Variants in NBEA observed in about 807,000 individuals in gnomAD.
NBEA encodes the protein lysosomal-trafficking regulator 2.
A neutral mutation model predicts 343.4 loss-of-function variants in NBEA; 44 were observed. That is an observed-to-expected ratio of 0.13 (90% confidence interval 0.10 to 0.16). NBEA has a LOEUF of 0.16. Among genes scored for constraint, NBEA ranks in the 10% least tolerant of loss-of-function variants. NBEA has a pLI of 1.00. For synonymous variants in NBEA, 1,175 were observed against 1,238.7 expected (o/e 0.95, Z 1.08); for missense variants, 2,555 against 3,631.3 (o/e 0.70, Z 7.62).
chr13:35,045,095 C>T (rs1339374901), intron 3 of NBEA, 48 bp downstream of exon 3: 1 of 1,490,078 alleles, frequency 6.7e-7, no homozygotes, highest in Non-Finnish European at 9.2e-7. Context: ...TCCATTAATA[C>T]TTAATGTTCA....
intron 30 of NBEA, among the ~76,000 whole-genome samples, chr13:35,190,984 T>C (rs2072145079): frequency 6.6e-6 from 1 of 152,092 alleles, no homozygotes; most frequent in Non-Finnish European, 1.5e-5. Flanking sequence ...AGTTGAAAAT[T>C]GTAATAACTG....
chr13:35,253,250 A>G (rs1027047202), intron 34 of NBEA, among the ~76,000 whole-genome samples: 1 of 152,214 alleles, frequency 6.6e-6, no homozygotes, highest in African/African-American at 2.4e-5. Context: ...TACAGATACT[A>G]TGTTAACAAA....
chr13:35,438,337 T>C (rs1347317926), intron 39 of NBEA, among the ~76,000 whole-genome samples: 1 of 152,212 alleles, frequency 6.6e-6, no homozygotes, highest in Admixed American at 6.5e-5. Context: ...GTTTTGATGG[T>C]ATATGCATGG....
chr13:35,329,859 A>G (rs183356680), intron 36 of NBEA, among the ~76,000 whole-genome samples: 169 of 151,974 alleles, frequency 1.1e-3, no homozygotes, highest in African/African-American at 4.0e-3. Flanking sequence ...TATAAAGTTC[A>G]GGCTCTGTAA....
chr13:35,290,350 A>G (rs372146616), intron 34 of NBEA, 39 bp from the exon 35 acceptor site: 3 of 1,315,370 alleles, frequency 2.3e-6, no homozygotes, highest in South Asian at 1.2e-5. Context: ...AATTTCTGCC[A>G]TTGTAATTTC....
At chr13:35,355,160 A>G (rs1193104780) in intron 38 of NBEA, among the ~76,000 whole-genome samples, 1 of 152,112 alleles carries the variant, frequency 6.6e-6, no homozygotes, top group Admixed American at 6.6e-5. Flanking sequence ...ACCTTAGTCC[A>G]AGCCACATCA....
At chr13:35,224,422 C>T (rs553053563) in intron 33 of NBEA, among the ~76,000 whole-genome samples, 1 of 152,070 alleles carries the variant, frequency 6.6e-6, no homozygotes, top group African/African-American at 2.4e-5. Context: ...TTTGAATGCA[C>T]CAATGTGCAC....
chr13:34,961,506 G>C (rs1230752391), intron 1 of NBEA, among the ~76,000 whole-genome samples: 1 of 151,832 alleles, frequency 6.6e-6, no homozygotes, highest in African/African-American at 2.4e-5. Flanking sequence ...ATAAATACCA[G>C]TCTATTGGAT....
chr13:35,473,443 G>A (rs2075739462), intron 41 of NBEA, among the ~76,000 whole-genome samples: 1 of 152,080 alleles, frequency 6.6e-6, no homozygotes, highest in Non-Finnish European at 1.5e-5. Context: ...TTTAGATATT[G>A]AAATAAAATG....
chr13:35,304,515 G>A (rs184202248), intron 35 of NBEA, among the ~76,000 whole-genome samples: 17 of 152,166 alleles, frequency 1.1e-4, no homozygotes, highest in Admixed American at 7.2e-4. Context: ...CACCACACCC[G>A]GCTAATTTTT....
At chr13:35,615,134 AAAAAAAAAAC>A (rs1176449406) in intron 48 of NBEA, among the ~76,000 whole-genome samples, 5 of 149,574 alleles carry the variant, frequency 3.3e-5, no homozygotes, top group African/African-American at 5.0e-5. Context: ...AAATACAAAA[AAAAAAAAAAC>A]AAAAAAAAAT....
intron 47 of NBEA, among the ~76,000 whole-genome samples, chr13:35,597,420 T>C (rs2081856195): frequency 6.6e-6 from 1 of 152,202 alleles, no homozygotes; most frequent in Admixed American, 6.6e-5. Flanking sequence ...CAGAAATTTA[T>C]CAATGGGAAG....
chr13:35,015,508 A>AT (rs969530625), intron 1 of NBEA, among the ~76,000 whole-genome samples: 21 of 150,830 alleles, frequency 1.4e-4, no homozygotes, highest in South Asian at 8.4e-4. Flanking sequence ...ACTACTTTCC[A>AT]TTTTTTTTTA....
At chr13:35,301,881 ACTGG>A (rs1338405798) in intron 35 of NBEA, among the ~76,000 whole-genome samples, 1 of 152,156 alleles carries the variant, frequency 6.6e-6, no homozygotes, top group East Asian at 1.9e-4. Flanking sequence ...CGCCATTCTA[ACTGG>A]CATGAGATGG....
At chr13:35,030,544 C>G (rs1346298010) in intron 1 of NBEA, among the ~76,000 whole-genome samples, 7 of 151,562 alleles carry the variant, frequency 4.6e-5, no homozygotes, top group African/African-American at 1.7e-4. Context: ...GATAATGAAG[C>G]CTCACTGTAG....
chr13:35,480,757 T>C (rs2076092555), intron 41 of NBEA, among the ~76,000 whole-genome samples: 1 of 151,974 alleles, frequency 6.6e-6, no homozygotes, highest in African/African-American at 2.4e-5. Context: ...ACTAGAGAAA[T>C]TAAAGACAGA....
At chr13:34,981,344 A>T (rs144030929) in intron 1 of NBEA, among the ~76,000 whole-genome samples, 4 of 152,326 alleles carry the variant, frequency 2.6e-5, no homozygotes, top group African/African-American at 9.6e-5. Context: ...AATAATGCTG[A>T]TATGAACATT....
intron 34 of NBEA, among the ~76,000 whole-genome samples, chr13:35,237,686 A>C (rs1186631710): frequency 6.6e-6 from 1 of 152,238 alleles, no homozygotes; most frequent in Non-Finnish European, 1.5e-5. Flanking sequence ...GAATTTAGGT[A>C]ACTGAAGATA....
At chr13:35,071,788 A>G (rs1326788589) in intron 10 of NBEA, among the ~76,000 whole-genome samples, 1 of 152,110 alleles carries the variant, frequency 6.6e-6, no homozygotes, top group Non-Finnish European at 1.5e-5. Flanking sequence ...TAAATTAGCT[A>G]TTAATGAAAT....
Sources: gnomAD v4.1 joint callset for allele counts (sites outside exome capture counted in the v4.1 genomes callset) on GRCh38, gnomAD v4.1.1 for gene constraint, MANE v1.5 for transcripts, NCBI Gene and HGNC (gene_info 2026-07-23, HGNC 2026-07-21) for gene names.